SULF1: variants seen among roughly 807,000 people sequenced by gnomAD.
SULF1 encodes the protein sulfatase 1.
In SULF1, 46 loss-of-function variants were observed where a neutral mutation model predicts 110.5. That is an observed-to-expected ratio of 0.42 (90% confidence interval 0.33 to 0.53). SULF1 has a LOEUF of 0.53. Ranked by LOEUF, SULF1 falls within the 20% of genes least tolerant of loss-of-function variation. The pLI is 0.12. For missense variants in SULF1, 941 were observed against 1,094.2 expected, an observed-to-expected ratio of 0.86 and a Z score of 1.98; for synonymous variants, 371 against 387.1, an observed-to-expected ratio of 0.96 and a Z score of 0.49.
At chr8:69,508,380 C>G (rs1229079815) in intron 3 of SULF1, among the ~76,000 whole-genome samples, 3 of 152,182 alleles carry the variant, frequency 2.0e-5, no homozygotes, top group African/African-American at 7.2e-5. Context: ...GCTGAGGTTA[C>G]AGGCATGAGC....
chr8:69,561,652 G>C (rs970912334), intron 3 of SULF1, among the ~76,000 whole-genome samples: 1 of 152,168 alleles, frequency 6.6e-6, no homozygotes, highest in African/African-American at 2.4e-5. Context: ...ACCATCAGCA[G>C]GGGTTCATTT....
chr8:69,579,268 T>C (rs546634644), intron 6 of SULF1, among the ~76,000 whole-genome samples: 3 of 138,420 alleles, frequency 2.2e-5, no homozygotes, highest in South Asian at 2.3e-4. Flanking sequence ...AAAATAAAAA[T>C]TGGGGCCGGG....
chr8:69,571,354 C>T (rs1384790111), intron 5 of SULF1, among the ~76,000 whole-genome samples: 7 of 152,214 alleles, frequency 4.6e-5, no homozygotes, highest in East Asian at 1.9e-4. Flanking sequence ...GAGTGGGGAG[C>T]GCTATTAGAA....
chr8:69,596,010 A>G (rs1807293227), intron 8 of SULF1, among the ~76,000 whole-genome samples: 1 of 152,220 alleles, frequency 6.6e-6, no homozygotes, highest in African/African-American at 2.4e-5. Flanking sequence ...AAAGAAAATC[A>G]AACACTCAGG....
chr8:69,525,770 G>A (rs1211302127), intron 3 of SULF1, among the ~76,000 whole-genome samples: 2 of 152,100 alleles, frequency 1.3e-5, no homozygotes, highest in African/African-American at 2.4e-5. Flanking sequence ...GGTGGGATGT[G>A]GCCCACAGGT....
upstream of SULF1, among the ~76,000 whole-genome samples, chr8:69,490,879 G>A (rs951449753): frequency 1.3e-5 from 2 of 152,290 alleles, no homozygotes; most frequent in Non-Finnish European, 2.9e-5. Flanking sequence ...TTTGTAAATA[G>A]TAGCTATAAT....
At chr8:69,551,820 G>C (rs13273667) in intron 3 of SULF1, among the ~76,000 whole-genome samples, 1 of 151,980 alleles carries the variant, frequency 6.6e-6, no homozygotes, top group African/African-American at 2.4e-5. Context: ...GGCCGGGTGC[G>C]GTGGCTCATG....
At chr8:69,511,900 T>C (rs1233355925) in intron 3 of SULF1, among the ~76,000 whole-genome samples, 2 of 152,230 alleles carry the variant, frequency 1.3e-5, no homozygotes, top group Non-Finnish European at 2.9e-5. Context: ...ATGATCTAAT[T>C]TTAAAGCTCC....
intron 1 of SULF1, among the ~76,000 whole-genome samples, chr8:69,487,159 T>C (rs1443459734): frequency 6.6e-6 from 1 of 152,242 alleles, no homozygotes; most frequent in Admixed American, 6.5e-5. Flanking sequence ...TTAATTTGCA[T>C]CAGTCTAAAT....
chr8:69,567,684 T>C (rs1163793433), intron 5 of SULF1, among the ~76,000 whole-genome samples: 1 of 152,242 alleles, frequency 6.6e-6, no homozygotes, highest in Non-Finnish European at 1.5e-5. Flanking sequence ...TTTTTAATGC[T>C]GAATAACTTT....
chr8:69,572,137 G>C (rs575356517), intron 5 of SULF1, among the ~76,000 whole-genome samples: 7 of 152,320 alleles, frequency 4.6e-5, no homozygotes, highest in Admixed American at 1.3e-4. Context: ...AGAATCAAAA[G>C]ATGAGAGTGC....
At chr8:69,505,347 G>T (rs912249731) in intron 3 of SULF1, among the ~76,000 whole-genome samples, 2 of 152,088 alleles carry the variant, frequency 1.3e-5, no homozygotes, top group Admixed American at 6.6e-5. Context: ...GGCCTTTATT[G>T]TACCTTCTGG....
intron 3 of SULF1, among the ~76,000 whole-genome samples, chr8:69,510,620 G>GTT (rs11333922): frequency 1.5e-5 from 2 of 131,094 alleles, no homozygotes; most frequent in Non-Finnish European, 1.6e-5. Context: ...GTTTTTTTTT[G>GTT]TTTTTTTTTT....
At chr8:69,581,988 G>A (rs1228908018) in intron 6 of SULF1, among the ~76,000 whole-genome samples, 3 of 152,172 alleles carry the variant, frequency 2.0e-5, no homozygotes, top group African/African-American at 7.2e-5. Flanking sequence ...CCTGGAGGGA[G>A]TTCTGAAGCA....
intron 3 of SULF1, among the ~76,000 whole-genome samples, chr8:69,513,033 T>A (rs1254646280): frequency 1.3e-5 from 2 of 152,246 alleles, no homozygotes; most frequent in African/African-American, 2.4e-5. Context: ...TATATCTGTG[T>A]TTCACATTAG....
chr8:69,632,978 A>G (rs936242096), intron 19 of SULF1, among the ~76,000 whole-genome samples: 1 of 151,722 alleles, frequency 6.6e-6, no homozygotes, highest in African/African-American at 2.4e-5. Context: ...GTGAGCCATG[A>G]TTGTACTCCA....
At chr8:69,486,803 C>T (rs1011913924) in intron 1 of SULF1, among the ~76,000 whole-genome samples, 1 of 152,168 alleles carries the variant, frequency 6.6e-6, no homozygotes, top group Non-Finnish European at 1.5e-5. Flanking sequence ...TCCCCCGCCC[C>T]TGCAGAAAAC....
chr8:69,490,674 G>T (rs539840955), upstream of SULF1, among the ~76,000 whole-genome samples: 1 of 152,074 alleles, frequency 6.6e-6, no homozygotes. Flanking sequence ...AATATCTCAG[G>T]TTTCTTCCAG....
In SULF1 at chr8:69,658,811, A is replaced by AAC. The variant is rs1227859926; in HGVS notation, c.*276_*277insAC. On this transcript the variant is annotated 3_prime_UTR_variant, in exon 23 of 23. Transcript: ENST00000402687. ...ATGGCCTCTGCTGACTCAGATGAAG[A>AAC]CCCAAGGCATAAGGTTGGGAAAACA... 3.3e-6 allele frequency: 2 copies of AAC among 614,652 alleles called. No individual in the cohort carries two copies. Among genetic ancestry groups the AAC allele is most frequent in the African/African-American group, 3.6e-5 (2 of 55,176 alleles). The allele number at this position is 614,652 out of a possible 1,614,324, so 38.1% of individuals were successfully genotyped here.
Sources: allele counts gnomAD v4.1 joint callset (sites outside exome capture counted in the v4.1 genomes callset), GRCh38; gene constraint gnomAD v4.1.1; transcripts MANE v1.5; gene names NCBI Gene and HGNC (gene_info 2026-07-23, HGNC 2026-07-21).